The following SYNDIG1 variants were observed in gnomAD, a reference collection of about 807,000 sequenced individuals.
The protein encoded by SYNDIG1 is synapse differentiation-inducing gene protein 1.
In SYNDIG1, 9 loss-of-function variants were observed where a neutral mutation model predicts 19.4. The ratio of observed to expected loss-of-function variants is 0.46; its 90% CI spans 0.28 to 0.81. SYNDIG1 has a LOEUF of 0.81. SYNDIG1 is among the 30% of genes least tolerant of loss of function. The pLI, the probability that SYNDIG1 is intolerant of heterozygous loss-of-function variation, is 0.12. For synonymous variants in SYNDIG1, 141 were observed against 145.9 expected (o/e 0.97, Z 0.24); for missense variants, 311 against 343.3 (o/e 0.91, Z 0.74).
chr20:24,556,445 G>A (rs1411348145), intron 2 of SYNDIG1, among the ~76,000 whole-genome samples: 19 of 152,150 alleles, frequency 1.2e-4, no homozygotes, highest in Non-Finnish European at 2.5e-4. Flanking sequence ...GGCTGGTACC[G>A]ATTGTTCCTT....
intron 2 of SYNDIG1, among the ~76,000 whole-genome samples, chr20:24,553,604 A>C (rs1047521984): frequency 6.6e-6 from 1 of 152,220 alleles, no homozygotes; most frequent in Non-Finnish European, 1.5e-5. Context: ...AGGTTTGTCA[A>C]AGATCAGATA....
intron 1 of SYNDIG1, among the ~76,000 whole-genome samples, chr20:24,483,642 G>A (rs779026522): frequency 7.2e-5 from 11 of 152,246 alleles, no homozygotes; most frequent in Non-Finnish European, 1.2e-4. Flanking sequence ...GCGTGTGCAC[G>A]CACCTGCCTG....
At chr20:24,500,558 TTC>T (rs1156324838) in intron 1 of SYNDIG1, among the ~76,000 whole-genome samples, 2 of 151,526 alleles carry the variant, frequency 1.3e-5, no homozygotes, top group Non-Finnish European at 2.9e-5. Flanking sequence ...TCTTTTTTCT[TTC>T]TCTCTCTCTC....
intron 1 of SYNDIG1, among the ~76,000 whole-genome samples, chr20:24,493,381 GACAC>G (rs763653241): frequency 1.3e-5 from 2 of 151,918 alleles, no homozygotes; most frequent in Non-Finnish European, 2.9e-5. Flanking sequence ...CACACATGTG[GACAC>G]ACACAGACAT....
chr20:24,501,091 A>G (rs2146380179), intron 1 of SYNDIG1, among the ~76,000 whole-genome samples: 1 of 152,344 alleles, frequency 6.6e-6, no homozygotes, highest in East Asian at 1.9e-4. Flanking sequence ...AAAGAAATCT[A>G]CCTATCTATC....
rs144829579 is a variant in SYNDIG1 at position 24,569,254 on chromosome 20, A to T, written c.481-15602A>T. 8.9e-3 allele frequency among the ~76,000 whole-genome samples: 1,354 copies of T among 152,346 alleles called. 28 individuals carry two copies. The highest frequency in any genetic ancestry group is 0.031 in the African/African-American group (1,287 of 41,566). On this transcript the variant is annotated intron_variant, in intron 2 of 3. Coordinates refer to ENST00000376862, the MANE Select transcript of SYNDIG1 (RefSeq NM_024893.3). ...AAGAAGAAAATATTCAAATCCAGGC[A>T]GCGTGTGACAGGAGAGTGACTCGTG...
At chr20:24,643,110 A>G (rs905025105) in intron 3 of SYNDIG1, among the ~76,000 whole-genome samples, 3 of 152,162 alleles carry the variant, frequency 2.0e-5, no homozygotes, top group African/African-American at 4.8e-5. Context: ...TATCTGTATT[A>G]AGCTAAATGT....
intron 1 of SYNDIG1, among the ~76,000 whole-genome samples, chr20:24,531,719 T>A (rs1159674363): frequency 2.8e-4 from 42 of 152,170 alleles, no homozygotes; most frequent in Admixed American, 2.7e-3. Flanking sequence ...AATGCATAAT[T>A]CCCCCTGGAG....
At chr20:24,640,333 G>A (rs754113118) in intron 3 of SYNDIG1, among the ~76,000 whole-genome samples, 1 of 146,858 alleles carries the variant, frequency 6.8e-6, no homozygotes, top group Non-Finnish European at 1.5e-5. Context: ...AAGAAAGAGA[G>A]AAAGAGAGAG....
intron 1 of SYNDIG1, among the ~76,000 whole-genome samples, chr20:24,496,847 A>T (rs1246074788): frequency 1.3e-5 from 2 of 152,004 alleles, no homozygotes; most frequent in Non-Finnish European, 2.9e-5. Flanking sequence ...AATATTTAAG[A>T]TTTTTCTTAT....
chr20:24,531,266 A>T (rs533837266), intron 1 of SYNDIG1, among the ~76,000 whole-genome samples: 1 of 152,302 alleles, frequency 6.6e-6, no homozygotes, highest in East Asian at 1.9e-4. Flanking sequence ...CCACACAGGG[A>T]TGGACATGGA....
chr20:24,644,553 C>T (rs920631241), intron 3 of SYNDIG1, among the ~76,000 whole-genome samples: 1 of 152,238 alleles, frequency 6.6e-6, no homozygotes, highest in African/African-American at 2.4e-5. Flanking sequence ...CACTGGGACA[C>T]TTGCTCTTGG....
intron 1 of SYNDIG1, among the ~76,000 whole-genome samples, chr20:24,525,472 C>T (rs769033949): frequency 3.3e-5 from 5 of 151,986 alleles, no homozygotes; most frequent in South Asian, 2.1e-4. Flanking sequence ...TTAGTAGAGA[C>T]GGGGTTTCAC....
chr20:24,531,289 G>A (rs1470803241), intron 1 of SYNDIG1, among the ~76,000 whole-genome samples: 3 of 152,074 alleles, frequency 2.0e-5, no homozygotes, highest in African/African-American at 7.2e-5. Context: ...ACTATGTTGT[G>A]AAGTTCCTTC....
At chr20:24,565,007 C>G (rs1404115713) in intron 2 of SYNDIG1, among the ~76,000 whole-genome samples, 2 of 152,186 alleles carry the variant, frequency 1.3e-5, no homozygotes, top group Non-Finnish European at 2.9e-5. Context: ...AATAAATCTT[C>G]AGAAAATGAG....
intron 1 of SYNDIG1, among the ~76,000 whole-genome samples, chr20:24,484,309 G>A (rs915860829): frequency 6.6e-6 from 1 of 152,188 alleles, no homozygotes; most frequent in African/African-American, 2.4e-5. Flanking sequence ...GGGTCAGCCA[G>A]GTAACTGTAA....
At chr20:24,493,268 A>G (rs1174134753) in intron 1 of SYNDIG1, among the ~76,000 whole-genome samples, 5 of 152,250 alleles carry the variant, frequency 3.3e-5, no homozygotes, top group African/African-American at 1.2e-4. Flanking sequence ...CTTTATTGGC[A>G]TGAAGCTGAA....
intron 1 of SYNDIG1, among the ~76,000 whole-genome samples, chr20:24,483,419 T>C (rs2055853725): frequency 6.6e-6 from 1 of 152,248 alleles, no homozygotes; most frequent in Non-Finnish European, 1.5e-5. Flanking sequence ...GTTTAGAAAT[T>C]GTTTTGCTCT....
chr20:24,591,110 A>G (rs1390312015), intron 3 of SYNDIG1, among the ~76,000 whole-genome samples: 3 of 149,944 alleles, frequency 2.0e-5, no homozygotes. Context: ...GTGTGTGTGC[A>G]CTTTTCTGTA....
Sources: gnomAD v4.1 joint callset for allele counts (sites outside exome capture counted in the v4.1 genomes callset) on GRCh38, gnomAD v4.1.1 for gene constraint, MANE v1.5 for transcripts, NCBI Gene and HGNC (gene_info 2026-07-23, HGNC 2026-07-21) for gene names.